EFHD1: variants seen among roughly 807,000 people sequenced by gnomAD.
The protein encoded by EFHD1 is EF-hand domain family member D1, also known as EF-hand domain-containing protein D1.
In EFHD1, 10 loss-of-function variants were observed where a neutral mutation model predicts 17.2. That is an observed-to-expected ratio of 0.58 (90% CI 0.36 to 0.99). The LOEUF (loss-of-function observed/expected upper bound fraction) is 0.99. Among genes scored for constraint, EFHD1 ranks in the 50% least tolerant of loss-of-function variants. The pLI, the probability that EFHD1 is intolerant of heterozygous loss-of-function variation, is 0.01. For missense variants in EFHD1, 310 were observed against 327.5 expected (o/e 0.95, Z 0.41); for synonymous variants, 153 against 142.0 (o/e 1.08, Z -0.55).
At chr2:232,618,782 A>G (rs1042684988) in intron 1 of EFHD1, among the ~76,000 whole-genome samples, 1 of 152,040 alleles carries the variant, frequency 6.6e-6, no homozygotes, top group Non-Finnish European at 1.5e-5. Context: ...ATGCACCTCA[A>G]AAACATTATG....
rs764921028 is a variant in EFHD1, at chr2:232,648,259, C to T, written c.302+14253C>T. Among the ~76,000 whole-genome samples the T allele has an allele frequency of 4.6e-5, 7 of 152,048 alleles. No homozygotes were observed. The South Asian group carries it at 1.0e-3, about 23-fold the overall frequency. On this transcript the variant is annotated intron_variant, in intron 1 of 3. Coordinates refer to ENST00000264059, the MANE Select transcript of EFHD1 (RefSeq NM_025202.4). ...GGCACAAGGAGAGCTGGGAGTTTAT[C>T]GGACAAAAGTGGCTATGAGTGGTTT...
At position 232,681,604 on chromosome 2, in the gene EFHD1, C is replaced by G. The variant is rs753464511; in HGVS notation, c.605C>G (p.Ala202Gly). The G allele has an allele frequency of 1.6e-5, 26 of 1,614,160 alleles. No homozygotes were observed. The South Asian group carries it at 2.5e-4, about 16-fold the overall frequency. Residue 202 changes from alanine to glycine, a missense_variant, in exon 4 of 4, where the codon GCC becomes GGC. Physicochemically the swap from Ala to Gly is moderately conservative, Grantham distance 60 (BLOSUM62 0). Transcript: ENST00000264059. ...CTGCAGGTCCAAGCCTTGTCATCGG[C>G]CAGTAAGTTTGAAGCAGAGTTGAAA... Reference protein sequence around the residue: ...FEAKVQALSSASKFEAELKAE... With the variant: ...FEAKVQALSSGSKFEAELKAE...
intron 2 of EFHD1, 132 bp from the exon 3 acceptor site, chr2:232,672,177 A>G: frequency 1.6e-6 from 2 of 1,272,014 alleles, no homozygotes; most frequent in Non-Finnish European, 2.3e-6. Flanking sequence ...GAGGGAAAAA[A>G]GTAATTTGCC....
At chr2:232,678,128 C>T (rs971488843) in intron 3 of EFHD1, among the ~76,000 whole-genome samples, 1 of 151,596 alleles carries the variant, frequency 6.6e-6, no homozygotes, top group Non-Finnish European at 1.5e-5. Flanking sequence ...CTAAAAAAAA[C>T]AAAAATTAGC....
intron 1 of EFHD1, among the ~76,000 whole-genome samples, chr2:232,613,647 C>CACACACACACAAAT (rs1466784720): frequency 8.9e-5 from 13 of 145,468 alleles, no homozygotes; most frequent in African/African-American, 3.4e-4. Context: ...CACACACATA[C>CACACACACACAAAT]ACACACACAC....
chr2:232,667,161 C>G (rs1003537297), intron 2 of EFHD1, among the ~76,000 whole-genome samples: 3 of 152,082 alleles, frequency 2.0e-5, no homozygotes, highest in African/African-American at 7.2e-5. Flanking sequence ...CCAGACTGCA[C>G]AATTTTGTTA....
At chr2:232,668,728 G>C (rs1303910102) in intron 2 of EFHD1, among the ~76,000 whole-genome samples, 1 of 152,154 alleles carries the variant, frequency 6.6e-6, no homozygotes, top group Non-Finnish European at 1.5e-5. Flanking sequence ...CCACCCCTCA[G>C]ATTCAAGCGA....
intron 3 of EFHD1, 119 bp from the exon 4 acceptor site, chr2:232,681,464 CGT>C: frequency 7.0e-7 from 1 of 1,419,578 alleles, no homozygotes; most frequent in Non-Finnish European, 9.5e-7. Context: ...TCCTGCCCTC[CGT>C]GGGCCCACAT....
intron 1 of EFHD1, among the ~76,000 whole-genome samples, chr2:232,645,051 C>A (rs7604422): frequency 0.58 from 88,042 of 150,574 alleles, 26,050 homozygotes; most frequent in South Asian, 0.67. Context: ...AAAATGCTGG[C>A]ATTAGAGGTG....
At chr2:232,633,241 G>A (rs1694236957), upstream of EFHD1, 1 of 162,110 alleles carries the variant, frequency 6.2e-6, no homozygotes, top group East Asian at 1.9e-4. Flanking sequence ...AGCCTGTCCC[G>A]GGCCGCGAGC....
rs141633595 is a variant in EFHD1, at chr2:232,608,348, C to T, written c.14+2175C>T. On this transcript the variant is annotated intron_variant, in intron 1 of 3. Transcript: ENST00000409613. The stretch of plus-strand genomic sequence containing the variant: ...TTGGGTCACTGCACTCCAGCCTGAG[C>T]GAGACTTCATCTCAAAATAAATAAA... 3.6e-3 allele frequency among the ~76,000 whole-genome samples: 547 copies of T among 151,924 alleles called. 3 individuals are homozygous for T. The highest frequency in any genetic ancestry group is 1.0e-2 in the Admixed American group (152 of 15,254).
At chr2:232,613,789 CATAT>C (rs1338232441) in intron 1 of EFHD1, among the ~76,000 whole-genome samples, 1 of 149,194 alleles carries the variant, frequency 6.7e-6, no homozygotes, top group Admixed American at 6.7e-5. Flanking sequence ...TATACACACA[CATAT>C]ACACACAAAA....
intron 2 of EFHD1, among the ~76,000 whole-genome samples, chr2:232,667,516 T>A (rs964329845): frequency 7.2e-5 from 11 of 151,880 alleles, no homozygotes; most frequent in Admixed American, 1.3e-4. Context: ...TTGAGACATC[T>A]TATTTTATTT....
At chr2:232,671,427 A>G (rs972894558) in intron 2 of EFHD1, among the ~76,000 whole-genome samples, 1 of 152,034 alleles carries the variant, frequency 6.6e-6, no homozygotes, top group African/African-American at 2.4e-5. Flanking sequence ...ACCCTGTCTC[A>G]AGAAAATAAA....
intron 1 of EFHD1, among the ~76,000 whole-genome samples, chr2:232,642,422 T>C (rs1270966918): frequency 6.7e-6 from 1 of 149,830 alleles, no homozygotes; most frequent in African/African-American, 2.5e-5. Flanking sequence ...AAAAGCTAAT[T>C]AGCCTTGGGT....
intron 1 of EFHD1, among the ~76,000 whole-genome samples, chr2:232,639,067 G>A (rs1694374680): frequency 6.6e-6 from 1 of 152,124 alleles, no homozygotes; most frequent in African/African-American, 2.4e-5. Context: ...AGGAGGAGCT[G>A]GAAGGAGCTT....
chr2:232,636,130 C>A (rs1047573431), intron 1 of EFHD1, among the ~76,000 whole-genome samples: 4 of 152,120 alleles, frequency 2.6e-5, no homozygotes, highest in Non-Finnish European at 5.9e-5. Flanking sequence ...GGTATGGCCA[C>A]AACAGCTTAA....
chr2:232,638,217 T>G (rs753462537), intron 1 of EFHD1: 26 of 403,236 alleles, frequency 6.4e-5, no homozygotes, highest in Non-Finnish European at 1.2e-4. Flanking sequence ...TTAATTACCC[T>G]GGACTTATCT....
intron 1 of EFHD1, among the ~76,000 whole-genome samples, chr2:232,642,974 G>A (rs533437473): frequency 7.2e-5 from 11 of 152,302 alleles, no homozygotes; most frequent in African/African-American, 1.9e-4. Flanking sequence ...GGATGAGGGC[G>A]TCCAGAGGAC....
Sources: allele counts gnomAD v4.1 joint callset (sites outside exome capture counted in the v4.1 genomes callset), GRCh38; gene constraint gnomAD v4.1.1; transcripts MANE v1.5; gene names NCBI Gene and HGNC (gene_info 2026-07-23, HGNC 2026-07-21).